Variants in MCTP2 observed in about 807,000 individuals in gnomAD.
MCTP2 encodes multiple C2 and transmembrane domain containing 2.
Under a neutral mutation model 111.6 loss-of-function variants are expected in MCTP2, and 132 were observed. The ratio of observed to expected loss-of-function variants is 1.18; its 90% CI spans 1.03 to 1.37. The LOEUF (loss-of-function observed/expected upper bound fraction) is 1.37, where lower values mean the gene tolerates loss of function less well. Among genes scored for constraint, MCTP2 ranks in the 40% most tolerant of loss-of-function variants. The probability of loss-of-function intolerance (pLI) is 0.00; values close to 1 mark genes in which losing one functional copy is unlikely to be tolerated. For missense variants in MCTP2, 1,183 were observed against 1,067.9 expected (o/e 1.11, Z -1.50); for synonymous variants, 395 against 387.7 (o/e 1.02, Z -0.22).
chr15:94,238,257 T>A (rs1387993544), intron 1 of MCTP2, among the ~76,000 whole-genome samples: 1 of 152,212 alleles, frequency 6.6e-6, no homozygotes, highest in South Asian at 2.1e-4. Context: ...TGTTCAGAAT[T>A]TGAGCCCATA....
chr15:94,304,028 G>A (rs1200622866), intron 2 of MCTP2, among the ~76,000 whole-genome samples: 2 of 152,190 alleles, frequency 1.3e-5, no homozygotes, highest in Non-Finnish European at 2.9e-5. Flanking sequence ...CATGCTCTAA[G>A]ACATGTACTA....
chr15:94,481,296 CAT>C lies in MCTP2; in HGVS notation c.*2264_*2265del. On this transcript the variant is annotated 3_prime_UTR_variant, in exon 23 of 23. Transcript: ENST00000357742. ...TCCCTGTCTTCAGAACCCCAACCCT[CAT>C]AATCTCCTTCCAGCTTCCTTATTTC... 1 of 152,222 alleles carries C rather than the reference CAT, an allele frequency of 6.6e-6. No individual in the cohort carries two copies. Among genetic ancestry groups the C allele is most frequent in the South Asian group, 2.1e-4 (1 of 4,832 alleles). 9.4% of individuals were successfully genotyped at this position (152,222 alleles called of 1,614,324 possible).
intron 4 of MCTP2, among the ~76,000 whole-genome samples, chr15:94,324,849 T>C (rs1426144488): frequency 6.6e-6 from 1 of 152,238 alleles, no homozygotes; most frequent in East Asian, 1.9e-4. Context: ...AATAAATTAC[T>C]AAATTGTTAC....
At chr15:94,316,473 G>A (rs188563418) in intron 4 of MCTP2, among the ~76,000 whole-genome samples, 34 of 152,268 alleles carry the variant, frequency 2.2e-4, no homozygotes, top group Non-Finnish European at 4.0e-4. Flanking sequence ...ATGGCTGTTG[G>A]ATCTGAGAAA....
At chr15:94,287,477 T>C (rs759345230) in intron 1 of MCTP2, among the ~76,000 whole-genome samples, 1 of 152,192 alleles carries the variant, frequency 6.6e-6, no homozygotes, top group Non-Finnish European at 1.5e-5. Context: ...GCATATCTTT[T>C]TGTGTTTATA....
intron 1 of MCTP2, among the ~76,000 whole-genome samples, chr15:94,245,520 ATATATT>A (rs1167129335): frequency 1.4e-5 from 2 of 141,604 alleles, no homozygotes; most frequent in East Asian, 2.0e-4. Context: ...ACATATATGT[ATATATT>A]TATATACATA....
chr15:94,335,155 A>G (rs1280853234), intron 4 of MCTP2, among the ~76,000 whole-genome samples: 1 of 152,030 alleles, frequency 6.6e-6, no homozygotes, highest in Non-Finnish European at 1.5e-5. Context: ...TCTAAATTAT[A>G]AGCTGCTGTC....
At chr15:94,457,993 A>G (rs1318373072) in intron 19 of MCTP2, 144 bp from the exon 20 acceptor site, 24 of 565,096 alleles carry the variant, frequency 4.2e-5, no homozygotes, top group Non-Finnish European at 7.3e-5. Context: ...GGGGGAGTCA[A>G]TATTTAAGTT....
chr15:94,272,726 C>T (rs2073971118), intron 1 of MCTP2, among the ~76,000 whole-genome samples: 1 of 77,568 alleles, frequency 1.3e-5, no homozygotes, highest in Non-Finnish European at 2.7e-5. Flanking sequence ...TAAGATAACA[C>T]CATATTTTTT....
intron 17 of MCTP2, among the ~76,000 whole-genome samples, chr15:94,408,587 G>A (rs570750901): frequency 1.4e-4 from 22 of 151,946 alleles, no homozygotes; most frequent in African/African-American, 4.8e-4. Context: ...ACCTTCTATT[G>A]GCAGGTTCTC....
intron 12 of MCTP2, among the ~76,000 whole-genome samples, chr15:94,381,695 G>GT (rs1415094614): frequency 6.6e-6 from 1 of 152,224 alleles, no homozygotes; most frequent in Non-Finnish European, 1.5e-5. Flanking sequence ...TTAAGTAGCT[G>GT]TTTCAGCCTG....
Position 94,266,441 on chromosome 15 carries a change from T to TAG in MCTP2, c.-65-31759_-65-31758dup, listed in dbSNP as rs2073538429. 2.0e-5 allele frequency among the ~76,000 whole-genome samples: 3 copies of TAG among 152,244 alleles called. No individual in the cohort carries two copies. In the South Asian group the frequency reaches 6.2e-4, roughly 31 times the overall value. On this transcript the variant is annotated intron_variant, in intron 1 of 22. Transcript: ENST00000357742. Reference sequence around the variant, plus strand: ...ACTGTTGCATTCTCAGCACTTTGACTAGCTCTTGGCACAAATTCTTGGCTC... The same window carrying TAG: ...ACTGTTGCATTCTCAGCACTTTGACTAGAGCTCTTGGCACAAATTCTTGGCTC...
chr15:94,418,837 C>A (rs924024709), intron 17 of MCTP2, among the ~76,000 whole-genome samples: 4 of 152,046 alleles, frequency 2.6e-5, no homozygotes, highest in African/African-American at 7.2e-5. Flanking sequence ...GGTTAGAAGC[C>A]TTCTTTTCCC....
intron 10 of MCTP2, among the ~76,000 whole-genome samples, chr15:94,359,762 A>G (rs2078822687): frequency 6.6e-6 from 1 of 152,168 alleles, no homozygotes; most frequent in South Asian, 2.1e-4. Context: ...TAGAGGCATA[A>G]ACAGATTGAG....
In MCTP2 at chr15:94,339,433, G is replaced by A. The variant is rs2077523083; in HGVS notation, c.780+1G>A. On this transcript the variant is annotated splice_donor_variant, in intron 5 of 22. Transcript: ENST00000357742. LOFTEE classifies it high-confidence loss of function. ...CCTTGATCAAAAGCTACGTGTGAAG[G>A]TAATCACAGATAGCTTTCAAATCTG... 3 of 1,585,456 alleles carry A rather than the reference G, an allele frequency of 1.9e-6. No homozygotes were observed. Among genetic ancestry groups the A allele is most frequent in the Admixed American group, 1.9e-5 (1 of 53,570 alleles).
At chr15:94,361,923 G>T (rs2152430497) in intron 10 of MCTP2, among the ~76,000 whole-genome samples, 1 of 152,270 alleles carries the variant, frequency 6.6e-6, no homozygotes, top group South Asian at 2.1e-4. Context: ...CTTGGTGATG[G>T]TTAAAACATG....
rs560840500 is a variant in MCTP2, at chr15:94,242,963, G to A, written c.-66+11299G>A. On this transcript the variant is annotated intron_variant, in intron 1 of 22. Coordinates refer to ENST00000357742, the MANE Select transcript of MCTP2 (RefSeq NM_001385001.1). ...TATATGTAGATACACATATACACGTGTATATGTGTATCTACACATACACGT... is the reference window on the plus strand; with the variant it reads ...TATATGTAGATACACATATACACGTATATATGTGTATCTACACATACACGT... Among the ~76,000 whole-genome samples the A allele has an allele frequency of 2.8e-4, 29 of 102,066 alleles. 1 individual carries two copies. Among genetic ancestry groups the A allele is most frequent in the African/African-American group, 9.8e-4 (25 of 25,436 alleles). The allele number at this position is 102,066 out of a possible 152,430, so 67.0% of individuals were successfully genotyped here. A position where few individuals can be genotyped will look rare whatever the true frequency, so the allele number is the denominator to read the frequency against.
In MCTP2 at chr15:94,315,634, T is replaced by G; in HGVS notation, c.634T>G (p.Cys212Gly). 1 of 1,612,788 alleles carries G rather than the reference T, an allele frequency of 6.2e-7. No homozygotes were observed. The highest frequency in any genetic ancestry group is 8.5e-7 in the Non-Finnish European group (1 of 1,178,814). Residue 212 changes from cysteine to glycine, a missense_variant, in exon 4 of 23, where the codon TGT becomes GGT. Physicochemically the swap from Cys to Gly is radical, Grantham distance 159. Coordinates refer to ENST00000357742, the MANE Select transcript of MCTP2 (RefSeq NM_001385001.1). ...EGRNLVVRDR[C>G]GTSDPYVKFK... is the part of the protein sequence containing the mutation. ...CCGGAACCTGGTTGTCCGAGATCGC[T>G]GTGGTAAGACCTGGGTCTGTTATGG...
At chr15:94,334,351 T>C (rs952089176) in intron 4 of MCTP2, among the ~76,000 whole-genome samples, 2 of 152,230 alleles carry the variant, frequency 1.3e-5, no homozygotes, top group African/African-American at 2.4e-5. Context: ...AATTTATTCA[T>C]TCATTCATCA....
Sources: allele counts gnomAD v4.1 joint callset (sites outside exome capture counted in the v4.1 genomes callset), GRCh38; gene constraint gnomAD v4.1.1; transcripts MANE v1.5; gene names NCBI Gene and HGNC (gene_info 2026-07-23, HGNC 2026-07-21).